The following AACS variants were observed in gnomAD, a reference collection of about 807,000 sequenced individuals.
AACS encodes acetoacetyl-CoA synthetase, also known as acetoacetate-CoA ligase.
Under a neutral mutation model 83.1 loss-of-function variants are expected in AACS, and 69 were observed. That is an observed-to-expected ratio of 0.83 (90% CI 0.68 to 1.01). The LOEUF is 1.01. Among genes scored for constraint, AACS ranks in the 50% least tolerant of loss-of-function variants. AACS has a pLI of 0.00. For missense variants in AACS, 866 were observed against 882.2 expected, an observed-to-expected ratio of 0.98 and a Z score of 0.23; for synonymous variants, 333 against 343.4, an observed-to-expected ratio of 0.97 and a Z score of 0.33.
chr12:125,086,288 T>G (rs750651611), intron 3 of AACS, 42 bp from the exon 4 acceptor site: 2 of 1,566,698 alleles, frequency 1.3e-6, no homozygotes, highest in South Asian at 2.3e-5. Context: ...ACTTTTCTTT[T>G]TGCGGTGGTC....
chr12:125,103,986 T>TAAAA (rs1565940149), intron 7 of AACS, among the ~76,000 whole-genome samples: 3 of 1,986 alleles, frequency 1.5e-3, no homozygotes, highest in Non-Finnish European at 6.9e-3. Context: ...AAACTCCGTC[T>TAAAA]CAAAAAAAAA....
At chr12:125,132,548 T>G (rs940633640) in intron 14 of AACS, among the ~76,000 whole-genome samples, 2 of 152,038 alleles carry the variant, frequency 1.3e-5, no homozygotes, top group African/African-American at 4.8e-5. Flanking sequence ...CTGCAGAAGC[T>G]AGGCACATCC....
rs372980742 is a variant in AACS, at chr12:125,136,822, G to A, written c.1839G>A (p.Ala613=). ...IRDAIRMGLS[A]RHVPSLILET... Reference sequence around the variant, plus strand: ...ACGCCATCCGCATGGGCTTGTCTGCGCGACACGTGCCCAGCCTCATCCTGG... The same window carrying A: ...ACGCCATCCGCATGGGCTTGTCTGCACGACACGTGCCCAGCCTCATCCTGG... Residue 613 remains alanine, a synonymous_variant, in exon 17 of 18, where the codon GCG becomes GCA. Transcript: ENST00000316519. 45 of 1,613,722 alleles carry A rather than the reference G, an allele frequency of 2.8e-5. No homozygotes were observed. Among genetic ancestry groups the A allele is most frequent in the African/African-American group, 1.7e-4 (13 of 74,918 alleles).
At chr12:125,086,708 G>C (rs1956347008) in intron 4 of AACS, among the ~76,000 whole-genome samples, 1 of 152,134 alleles carries the variant, frequency 6.6e-6, no homozygotes, top group Non-Finnish European at 1.5e-5. Context: ...CATCAAGGGA[G>C]TGCATTCAGT....
At chr12:125,137,502 C>T (rs1957417439) in intron 17 of AACS, among the ~76,000 whole-genome samples, 1 of 152,244 alleles carries the variant, frequency 6.6e-6, no homozygotes, top group African/African-American at 2.4e-5. Flanking sequence ...TTTTAAAGTG[C>T]TGCTGGGAGC....
chr12:125,068,461 A>G (rs1458938888), intron 1 of AACS, among the ~76,000 whole-genome samples: 1 of 152,200 alleles, frequency 6.6e-6, no homozygotes, highest in East Asian at 1.9e-4. Flanking sequence ...TCTGTCTCAA[A>G]TAAATAAAAG....
At chr12:125,078,591 C>T (rs71458892) in intron 3 of AACS, among the ~76,000 whole-genome samples, 95 of 152,224 alleles carry the variant, frequency 6.2e-4, no homozygotes, top group Non-Finnish European at 1.2e-3. Flanking sequence ...GAGGCTGAGG[C>T]GGGCAGATCA....
chr12:125,139,519 GCCGTGGGCCACAGGGT>G (rs1401970475), intron 17 of AACS: 1 of 152,316 alleles, frequency 6.6e-6, no homozygotes, highest in African/African-American at 2.4e-5. Flanking sequence ...TCTGGTGGGT[GCCGTGGGCCACAGGGT>G]GCCCAGAACG....
Position 125,131,412 on chromosome 12 carries a change from A to G in AACS, c.1549+1952A>G, listed in dbSNP as rs577866163. On this transcript the variant is annotated intron_variant, in intron 14 of 17. Coordinates refer to ENST00000316519, the MANE Select transcript of AACS (RefSeq NM_023928.5). ...TTTTTTGTAGAGATGAGGTCCCTCT[A>G]TGTTGACCAGGCTGGTCTCGAACTC... Among the ~76,000 whole-genome samples the G allele has an allele frequency of 9.2e-5, 14 of 152,092 alleles. No individual in the cohort carries two copies. The East Asian group carries it at 2.5e-3, about 27-fold the overall frequency.
chr12:125,112,327 G>A (rs1230409959), intron 8 of AACS, among the ~76,000 whole-genome samples: 1 of 152,174 alleles, frequency 6.6e-6, no homozygotes, highest in Non-Finnish European at 1.5e-5. Context: ...GAGCCCGGAG[G>A]CAGCCTTGGG....
intron 3 of AACS, among the ~76,000 whole-genome samples, chr12:125,083,843 G>A (rs1365365659): frequency 6.6e-6 from 1 of 151,558 alleles, no homozygotes; most frequent in Non-Finnish European, 1.5e-5. Context: ...TAGTACAGAC[G>A]GGGTTTCACC....
chr12:125,109,780 C>T (rs934231023), intron 8 of AACS, among the ~76,000 whole-genome samples: 7 of 152,126 alleles, frequency 4.6e-5, no homozygotes, highest in East Asian at 1.9e-4. Flanking sequence ...CTTCGTCTTC[C>T]GTGACACTGA....
At chr12:125,091,334 A>T in intron 4 of AACS, 92 bp from the exon 5 acceptor site, 1 of 1,305,450 alleles carries the variant, frequency 7.7e-7, no homozygotes, top group South Asian at 1.2e-5. Context: ...CCCCCTTCCC[A>T]CTCTGACCTT....
At chr12:125,108,699 G>C (rs938786810) in intron 8 of AACS, among the ~76,000 whole-genome samples, 1 of 151,468 alleles carries the variant, frequency 6.6e-6, no homozygotes, top group Non-Finnish European at 1.5e-5. Context: ...ATGGAGTCTT[G>C]ATCTGTCGCC....
intron 3 of AACS, among the ~76,000 whole-genome samples, chr12:125,082,204 A>C (rs1442484121): frequency 1.5e-5 from 2 of 134,520 alleles, no homozygotes; most frequent in Non-Finnish European, 3.1e-5. Flanking sequence ...CAGGGTCTTG[A>C]TTTGTTGCCC....
Position 125,113,623 on chromosome 12 carries a change from G to A in AACS, c.916-854G>A, listed in dbSNP as rs75275501. Among the ~76,000 whole-genome samples, 2,279 of 152,288 alleles carry A rather than the reference G, an allele frequency of 0.015. 62 individuals carry two copies. Among genetic ancestry groups the A allele is most frequent in the African/African-American group, 0.052 (2,169 of 41,546 alleles). ...TGTAAACAGACATGAGGGAGCTCCC[G>A]GCATGCCAAGGAAGAGCTCCCAGGT... On this transcript the variant is annotated intron_variant, in intron 8 of 17. Transcript: ENST00000316519. The surrounding 1 kb of genome is among the most constrained non-coding windows in gnomAD (Gnocchi z 4.8).
chr12:125,127,145 A>C, intron 12 of AACS: 1 of 152,076 alleles, frequency 6.6e-6, no homozygotes, highest in Non-Finnish European at 1.5e-5. Context: ...CGTCTAAAAA[A>C]AAAAAGGTGC....
intron 3 of AACS, among the ~76,000 whole-genome samples, chr12:125,084,142 A>G (rs1458698564): frequency 1.3e-5 from 2 of 151,768 alleles, no homozygotes; most frequent in African/African-American, 4.8e-5. Context: ...AGCCTGACCA[A>G]CGTGGTGAAA....
chr12:125,071,468 A>G lies in AACS; in HGVS notation c.134-2408A>G, dbSNP rs138369491. ...GGATTTATGTGCTTGCTTTGGCAGC[A>G]CATATACTAGGTAGAAAAATTTGCA... is the stretch of plus-strand genomic sequence containing the variant. On this transcript the variant is annotated intron_variant, in intron 1 of 17. Coordinates refer to ENST00000316519, the MANE Select transcript of AACS (RefSeq NM_023928.5). 1.3e-3 allele frequency among the ~76,000 whole-genome samples: 194 copies of G among 152,364 alleles called. 2 individuals are homozygous for G. The highest frequency in any genetic ancestry group is 4.4e-3 in the African/African-American group (183 of 41,592).
Sources: allele counts gnomAD v4.1 joint callset (sites outside exome capture counted in the v4.1 genomes callset), GRCh38; gene constraint gnomAD v4.1.1; non-coding constraint Gnocchi (gnomAD v3.1); transcripts MANE v1.5; gene names NCBI Gene and HGNC (gene_info 2026-07-23, HGNC 2026-07-21).